BSPH1: variants seen among roughly 807,000 people sequenced by gnomAD.
BSPH1 encodes the protein binder of sperm 1.
A neutral mutation model predicts 22.5 loss-of-function variants in BSPH1; 21 were observed. The ratio of observed to expected loss-of-function variants is 0.93; its 90% CI spans 0.66 to 1.35. The LOEUF (loss-of-function observed/expected upper bound fraction) is 1.35. BSPH1 is among the 40% of genes most tolerant of loss of function. The pLI is 0.00. For missense variants in BSPH1, 141 were observed against 154.2 expected (o/e 0.91, Z 0.45); for synonymous variants, 42 against 53.6 (o/e 0.78, Z 0.95).
downstream of BSPH1, chr19:47,967,929 G>A (rs924904268): frequency 6.6e-6 from 1 of 152,192 alleles, no homozygotes; most frequent in Non-Finnish European, 1.5e-5. Context: ...CACCATGTTG[G>A]TAGGAACCAC....
chr19:47,967,363 G>C (rs1969269128), downstream of BSPH1, among the ~76,000 whole-genome samples: 1 of 152,190 alleles, frequency 6.6e-6, no homozygotes, highest in Admixed American at 6.5e-5. Context: ...GCATGCTGCT[G>C]TCTTCTTTCT....
intron 5 of BSPH1, among the ~76,000 whole-genome samples, chr19:47,973,086 G>T (rs1291574755): frequency 4.0e-5 from 6 of 151,652 alleles, no homozygotes; most frequent in African/African-American, 1.5e-4. Context: ...GCGTGGTGGC[G>T]GGCGCCTGTA....
intron 1 of BSPH1, among the ~76,000 whole-genome samples, chr19:47,987,853 G>A (rs937378833): frequency 4.6e-5 from 7 of 152,020 alleles, no homozygotes; most frequent in African/African-American, 1.7e-4. Context: ...AATTAGCTGG[G>A]CATGGTGGTG....
chr19:47,968,468 C>G (rs1969278951), intron 5 of BSPH1, among the ~76,000 whole-genome samples: 1 of 151,370 alleles, frequency 6.6e-6, no homozygotes. Flanking sequence ...AATGATTCTC[C>G]TGCCTCAGCC....
intron 5 of BSPH1, among the ~76,000 whole-genome samples, chr19:47,976,391 C>T (rs1247267757): frequency 5.9e-5 from 9 of 152,096 alleles, no homozygotes; most frequent in Middle Eastern, 3.4e-3. Flanking sequence ...TTTGGCCTCC[C>T]AAAGCGCTGG....
downstream of BSPH1, among the ~76,000 whole-genome samples, chr19:47,967,264 C>A (rs1969268426): frequency 6.6e-6 from 1 of 152,182 alleles, no homozygotes; most frequent in Non-Finnish European, 1.5e-5. Flanking sequence ...TGCATTAATT[C>A]ACTTAGATGG....
chr19:47,985,594 G>C (rs1384323969), intron 1 of BSPH1, among the ~76,000 whole-genome samples: 1 of 152,166 alleles, frequency 6.6e-6, no homozygotes, highest in African/African-American at 2.4e-5. Context: ...CAGCACTATG[G>C]GAGGCCGAGG....
At chr19:47,985,265 A>G (rs1969460230) in intron 1 of BSPH1, among the ~76,000 whole-genome samples, 1 of 152,110 alleles carries the variant, frequency 6.6e-6, no homozygotes, top group African/African-American at 2.4e-5. Context: ...AGAGGGGGAA[A>G]AATACCTTAC....
chr19:47,974,586 G>C (rs1254792242), intron 5 of BSPH1, among the ~76,000 whole-genome samples: 1 of 151,174 alleles, frequency 6.6e-6, no homozygotes. Flanking sequence ...TTTTCTACCC[G>C]ACCCTCTCTC....
At chr19:47,971,194 T>A (rs1047450433) in intron 5 of BSPH1, among the ~76,000 whole-genome samples, 5 of 152,134 alleles carry the variant, frequency 3.3e-5, no homozygotes, top group Non-Finnish European at 7.3e-5. Flanking sequence ...CTGTATTTTA[T>A]CGTTTAATTA....
intron 1 of BSPH1, among the ~76,000 whole-genome samples, chr19:47,991,106 G>A (rs769300991): frequency 6.6e-6 from 1 of 152,134 alleles, no homozygotes; most frequent in Non-Finnish European, 1.5e-5. Flanking sequence ...TGGCGACTGG[G>A]ATTTGATTAC....
intron 5 of BSPH1, 97 bp downstream of exon 5, chr19:47,976,613 C>T: frequency 1.6e-6 from 1 of 630,852 alleles, no homozygotes; most frequent in Non-Finnish European, 2.5e-6. Flanking sequence ...AAAACCCTCT[C>T]TAATGAGAAA....
In BSPH1 at chr19:47,970,031, G is replaced by C. The variant is rs115659775; in HGVS notation, c.*3-1822C>G. On this transcript the variant is annotated intron_variant, in intron 5 of 5. Transcript: ENST00000344839. ...TGTGTGTGTGTGAGAGAGAGAGAGA[G>C]ACTTTAGAATTTATTTTTGTTTTAT... 3.8e-3 allele frequency among the ~76,000 whole-genome samples: 575 copies of C among 151,916 alleles called. 1 individual carries two copies. The highest frequency in any genetic ancestry group is 0.013 in the African/African-American group (547 of 41,464).
At chr19:47,982,049 A>G (rs2122254442) in intron 1 of BSPH1, among the ~76,000 whole-genome samples, 1 of 152,372 alleles carries the variant, frequency 6.6e-6, no homozygotes, top group East Asian at 1.9e-4. Flanking sequence ...TAGAATAAAT[A>G]TAGAGTGAAA....
chr19:47,979,754 C>T (rs562594792), intron 2 of BSPH1, among the ~76,000 whole-genome samples, 155 bp from the exon 3 acceptor site: 2 of 152,162 alleles, frequency 1.3e-5, no homozygotes, highest in African/African-American at 2.4e-5. Context: ...GGCATCTGCT[C>T]TTTTTCAAAA....
At chr19:47,975,130 A>G (rs1270677255) in intron 5 of BSPH1, among the ~76,000 whole-genome samples, 2 of 152,030 alleles carry the variant, frequency 1.3e-5, no homozygotes, top group Non-Finnish European at 2.9e-5. Context: ...GGATCATCCC[A>G]TCTCTTCCTT....
chr19:47,988,030 CA>C (rs2064009241), intron 1 of BSPH1, among the ~76,000 whole-genome samples: 1 of 151,800 alleles, frequency 6.6e-6, no homozygotes, highest in Non-Finnish European at 1.5e-5. Flanking sequence ...ATAAAAATTA[CA>C]AAATCAGAAA....
intron 5 of BSPH1, 118 bp downstream of exon 5, chr19:47,976,592 A>AC: frequency 1.3e-5 from 9 of 668,232 alleles, no homozygotes; most frequent in African/African-American, 1.2e-4. Flanking sequence ...GAAAAAAAAA[A>AC]AAAACAAAAA....
chr19:47,983,380 C>CGA (rs1457074764), intron 1 of BSPH1, among the ~76,000 whole-genome samples: 3 of 152,098 alleles, frequency 2.0e-5, no homozygotes, highest in African/African-American at 7.2e-5. Flanking sequence ...GTATGCATTC[C>CGA]ATAGTGAAAC....
Sources: allele counts gnomAD v4.1 joint callset (sites outside exome capture counted in the v4.1 genomes callset), GRCh38; gene constraint gnomAD v4.1.1; transcripts MANE v1.5; gene names NCBI Gene and HGNC (gene_info 2026-07-23, HGNC 2026-07-21).